Variants in CD1B observed in about 807,000 individuals in gnomAD.
CD1B encodes the protein CD1b molecule.
CD1B carries 43 observed loss-of-function variants against 39.8 expected under a neutral mutation model. The observed-to-expected ratio is 1.08, with a 90% CI of 0.85 to 1.39. CD1B has a LOEUF of 1.39. Among genes scored for constraint, CD1B ranks in the 40% most tolerant of loss-of-function variants. The probability of loss-of-function intolerance (pLI) is 0.00; values close to 1 mark genes in which losing one functional copy is unlikely to be tolerated. For missense variants in CD1B, 495 were observed against 403.8 expected (o/e 1.23, Z -1.94); for synonymous variants, 192 against 152.5 (o/e 1.26, Z -1.91).
chr1:158,328,675 CAAT>C (rs1652455912), intron 5 of CD1B, among the ~76,000 whole-genome samples: 1 of 152,076 alleles, frequency 6.6e-6, no homozygotes, highest in African/African-American at 2.4e-5. Context: ...GCTTGCACAA[CAAT>C]GTGAACACAC....
the CD1B span, among the ~76,000 whole-genome samples, chr1:158,309,566 G>T: frequency 3.3e-5 from 5 of 152,098 alleles, no homozygotes; most frequent in African/African-American, 4.8e-5. Context: ...CAATAGCAAA[G>T]ACTTGGAACC....
At chr1:158,321,575 T>A in the CD1B span, among the ~76,000 whole-genome samples, 5 of 152,246 alleles carry the variant, frequency 3.3e-5, no homozygotes, top group African/African-American at 4.8e-5. Context: ...ATTTTGTAGA[T>A]CCTTCCTTCT....
intron 2 of CD1B, 40 bp from the exon 3 acceptor site, chr1:158,330,170 T>C: frequency 6.5e-7 from 1 of 1,539,442 alleles, no homozygotes; most frequent in East Asian, 2.3e-5. Flanking sequence ...TAAACACAAA[T>C]AAGAAAAAAA....
chr1:158,297,233 A>C, the CD1B span, among the ~76,000 whole-genome samples: 1 of 152,212 alleles, frequency 6.6e-6, no homozygotes, highest in African/African-American at 2.4e-5. Context: ...AAGGGACCCC[A>C]ATCAAGCTAA....
the CD1B span, among the ~76,000 whole-genome samples, chr1:158,287,273 C>T: frequency 1.3e-5 from 2 of 151,500 alleles, no homozygotes; most frequent in Admixed American, 6.6e-5. Flanking sequence ...ATGGCCTTTC[C>T]ATGGTGGGTG....
At chr1:158,288,940 T>C in the CD1B span, among the ~76,000 whole-genome samples, 1 of 152,238 alleles carries the variant, frequency 6.6e-6, no homozygotes, top group Non-Finnish European at 1.5e-5. Context: ...ACAAAACAAC[T>C]TAAATTTGGA....
chr1:158,293,424 C>T, the CD1B span: 1 of 1,612,364 alleles, frequency 6.2e-7, no homozygotes, highest in Non-Finnish European at 8.5e-7. Flanking sequence ...CCAACTTATT[C>T]AGGGTTTCTC....
downstream of CD1B, among the ~76,000 whole-genome samples, chr1:158,323,379 A>G (rs1189780245): frequency 1.3e-5 from 2 of 151,940 alleles, no homozygotes; most frequent in East Asian, 3.9e-4. Context: ...TCTCTGATAA[A>G]TTTCTGAACT....
chr1:158,299,730 G>A, the CD1B span, among the ~76,000 whole-genome samples: 4 of 152,170 alleles, frequency 2.6e-5, no homozygotes, highest in East Asian at 5.8e-4. Flanking sequence ...TGTGTGTGTC[G>A]AGGAATTTAT....
the CD1B span, among the ~76,000 whole-genome samples, chr1:158,296,606 C>A: frequency 6.6e-6 from 1 of 152,010 alleles, no homozygotes; most frequent in South Asian, 2.1e-4. Flanking sequence ...ACTAAAATGG[C>A]TGAGATAATA....
the CD1B span, among the ~76,000 whole-genome samples, chr1:158,311,723 A>C: frequency 6.6e-6 from 1 of 152,124 alleles, no homozygotes; most frequent in Non-Finnish European, 1.5e-5. Flanking sequence ...ATGGATATTC[A>C]GTTTTCCCAG....
chr1:158,308,921 G>A, the CD1B span, among the ~76,000 whole-genome samples: 1 of 152,126 alleles, frequency 6.6e-6, no homozygotes, highest in Non-Finnish European at 1.5e-5. Flanking sequence ...ATAGGCATGG[G>A]CAAGGACTTC....
At chr1:158,307,106 A>G in the CD1B span, among the ~76,000 whole-genome samples, 9 of 152,326 alleles carry the variant, frequency 5.9e-5, no homozygotes, top group East Asian at 1.5e-3. Context: ...GAAATAAGAG[A>G]CACAAAAACC....
At chr1:158,289,461 GA>G in the CD1B span, among the ~76,000 whole-genome samples, 2 of 152,160 alleles carry the variant, frequency 1.3e-5, no homozygotes, top group Admixed American at 6.5e-5. Flanking sequence ...GGAAATCTTG[GA>G]AGATGTAAAA....
At chr1:158,296,892 A>G in the CD1B span, among the ~76,000 whole-genome samples, 1 of 152,162 alleles carries the variant, frequency 6.6e-6, no homozygotes, top group Non-Finnish European at 1.5e-5. Context: ...CAGTCACACA[A>G]AATAAAGAAA....
At chr1:158,293,859 A>G in the CD1B span, among the ~76,000 whole-genome samples, 2 of 152,314 alleles carry the variant, frequency 1.3e-5, no homozygotes, top group South Asian at 2.1e-4. Context: ...TTTCCTGCAT[A>G]TGATAGGCTC....
the CD1B span, among the ~76,000 whole-genome samples, chr1:158,310,494 C>T: frequency 3.3e-5 from 5 of 152,050 alleles, no homozygotes; most frequent in Admixed American, 2.0e-4. Flanking sequence ...AGAGTTTCTG[C>T]ACAGCAAACA....
intron 5 of CD1B, 45 bp downstream of exon 5, chr1:158,328,876 A>C (rs1348446169): frequency 2.2e-6 from 3 of 1,337,846 alleles, no homozygotes; most frequent in Non-Finnish European, 3.1e-6. Context: ...AAGGGTGAAC[A>C]GAAAAGACAT....
At chr1:158,304,412 T>C in the CD1B span, among the ~76,000 whole-genome samples, 1 of 152,120 alleles carries the variant, frequency 6.6e-6, no homozygotes, top group African/African-American at 2.4e-5. Context: ...CACCATTGCC[T>C]AGGCTTGAGT....
Sources: gnomAD v4.1 joint callset for allele counts (sites outside exome capture counted in the v4.1 genomes callset) on GRCh38, gnomAD v4.1.1 for gene constraint, MANE v1.5 for transcripts, NCBI Gene and HGNC (gene_info 2026-07-23, HGNC 2026-07-21) for gene names.